KCTD9: variants seen among roughly 807,000 people sequenced by gnomAD.
KCTD9 encodes the protein BTB/POZ domain-containing protein KCTD9.
KCTD9 carries 17 observed loss-of-function variants against 53.3 expected under a neutral mutation model. The ratio of observed to expected loss-of-function variants is 0.32; its 90% CI spans 0.22 to 0.48. The LOEUF is 0.48. Among genes scored for constraint, KCTD9 ranks in the 20% least tolerant of loss-of-function variants. The probability of loss-of-function intolerance (pLI) is 0.99; values close to 1 mark genes in which losing one functional copy is unlikely to be tolerated. For missense variants in KCTD9, 179 were observed against 465.5 expected, an observed-to-expected ratio of 0.38 and a Z score of 5.66; for synonymous variants, 128 against 162.7, an observed-to-expected ratio of 0.79 and a Z score of 1.62.
At chr8:25,457,350 A>G (rs1802468434) in intron 1 of KCTD9, 2 of 985,028 alleles carry the variant, frequency 2.0e-6, no homozygotes, top group Non-Finnish European at 2.4e-6. Flanking sequence ...TAGCAACGCA[A>G]TAAATGTCTG....
intron 9 of KCTD9, 25 bp downstream of exon 9, chr8:25,435,338 T>A: frequency 6.6e-7 from 1 of 1,514,946 alleles, no homozygotes; most frequent in Non-Finnish European, 8.9e-7. Context: ...TTTAATTTTC[T>A]CTTGTAGCCT....
intron 6 of KCTD9, among the ~76,000 whole-genome samples, chr8:25,437,834 C>G (rs1478250752): frequency 1.8e-5 from 2 of 111,992 alleles, no homozygotes; most frequent in African/African-American, 7.2e-5. Flanking sequence ...GGTGACAGAG[C>G]GAGACCCTGT....
At chr8:25,457,970 G>C (rs1802499575) in intron 1 of KCTD9, among the ~76,000 whole-genome samples, 1 of 147,092 alleles carries the variant, frequency 6.8e-6, no homozygotes, top group Non-Finnish European at 1.5e-5. Flanking sequence ...GGGCCGAACC[G>C]CGCCGGCCCC....
In KCTD9 at chr8:25,428,270, CT is replaced by C. The variant is rs1020200715; in HGVS notation, c.*1586del. 3 of 152,592 alleles carry C rather than the reference CT, an allele frequency of 2.0e-5. No individual in the cohort carries two copies. Among genetic ancestry groups the C allele is most frequent in the African/African-American group, 7.2e-5 (3 of 41,430 alleles). The allele number at this position is 152,592 out of a possible 1,614,324, so 9.5% of individuals were successfully genotyped here. ...AAATAGATTATCTCTCAATACAATA[CT>C]TCTCTGTCTTGGTAAAAATAATAAA... On this transcript the variant is annotated 3_prime_UTR_variant, in exon 12 of 12. Transcript: ENST00000221200.
chr8:25,457,405 G>C, intron 1 of KCTD9: 1 of 984,136 alleles, frequency 1.0e-6, no homozygotes, highest in South Asian at 4.7e-5. Flanking sequence ...CAACTTTCAT[G>C]GGTGGGGCAA....
chr8:25,452,349 T>C (rs1404183239), intron 1 of KCTD9, among the ~76,000 whole-genome samples: 2 of 152,286 alleles, frequency 1.3e-5, no homozygotes, highest in Non-Finnish European at 2.9e-5. Context: ...GGAATATAAA[T>C]TACTGCAATG....
In KCTD9 at chr8:25,436,482, A is replaced by AC; in HGVS notation, c.502dup (p.Val168GlyfsTer11). 6.4e-7 allele frequency: 1 copy of AC among 1,559,860 alleles called. No individual in the cohort carries two copies. The highest frequency in any genetic ancestry group is 8.6e-7 in the Non-Finnish European group (1 of 1,158,924). ...ACCAAAAAATCTTGCTTCTTCTAAC[A>AC]CACCTATCAGAACAAAAATAATTCT... On this transcript the variant is annotated frameshift_variant, in exon 7 of 12. Coordinates refer to ENST00000221200, the MANE Select transcript of KCTD9 (RefSeq NM_017634.4). LOFTEE classifies it high-confidence loss of function.
rs1253994257 is a variant in KCTD9, at chr8:25,428,292, A to G, written c.*1565T>C. On this transcript the variant is annotated 3_prime_UTR_variant, in exon 12 of 12. Coordinates refer to ENST00000221200, the MANE Select transcript of KCTD9 (RefSeq NM_017634.4). ...ATACTTCTCTGTCTTGGTAAAAATA[A>G]TAAAGCAAAGAAAATAATTCATTTC... is the stretch of plus-strand genomic sequence containing the variant. 6.5e-6 allele frequency: 1 copy of G among 152,686 alleles called. No individual in the cohort carries two copies. The highest frequency in any genetic ancestry group is 1.9e-4 in the East Asian group (1 of 5,202). The allele number at this position is 152,686 out of a possible 1,614,324, so 9.5% of individuals were successfully genotyped here.
chr8:25,455,931 C>T (rs1802424032), intron 1 of KCTD9, among the ~76,000 whole-genome samples: 1 of 152,192 alleles, frequency 6.6e-6, no homozygotes, highest in Admixed American at 6.5e-5. Context: ...TTCCTGACCT[C>T]CAATAAATCG....
rs1401772786 is a variant in KCTD9, at chr8:25,428,826, TTA to T, written c.*1029_*1030del. On this transcript the variant is annotated 3_prime_UTR_variant, in exon 12 of 12. Coordinates refer to ENST00000221200, the MANE Select transcript of KCTD9 (RefSeq NM_017634.4). Reference sequence around the variant, plus strand: ...CCCCACTGTAGGGTTCTAGCTGCAATTATATTACATTGCCTTTTAGCAGGCAA... The same window carrying T: ...CCCCACTGTAGGGTTCTAGCTGCAATTATTACATTGCCTTTTAGCAGGCAA... 1 of 152,194 alleles carries T rather than the reference TTA, an allele frequency of 6.6e-6. No homozygotes were observed. The highest frequency in any genetic ancestry group is 2.4e-5 in the African/African-American group (1 of 41,458). The allele number at this position is 152,194 out of a possible 1,614,324, so 9.4% of individuals were successfully genotyped here.
rs1025955373 is a variant in KCTD9 at position 25,429,714 on chromosome 8, C to T, written c.*143G>A. On this transcript the variant is annotated 3_prime_UTR_variant, in exon 12 of 12. Transcript: ENST00000221200. ...TCAGTTTTTTCCCTTATGCACCACT[C>T]AAAACAAGCATAATCCTCTAAATGT... 21 of 633,538 alleles carry T rather than the reference C, an allele frequency of 3.3e-5. No individual in the cohort carries two copies. The highest frequency in any genetic ancestry group is 5.5e-5 in the Non-Finnish European group (19 of 346,194). 39.2% of individuals were successfully genotyped at this position (633,538 alleles called of 1,614,324 possible). A position where few individuals can be genotyped will look rare whatever the true frequency, so the allele number is the denominator to read the frequency against.
At chr8:25,434,841 G>A (rs561125776) in intron 9 of KCTD9, among the ~76,000 whole-genome samples, 17 of 152,158 alleles carry the variant, frequency 1.1e-4, no homozygotes, top group African/African-American at 3.9e-4. Flanking sequence ...AATAAACACA[G>A]ATAACTGTTA....
At chr8:25,452,035 T>C (rs566685570) in intron 1 of KCTD9, among the ~76,000 whole-genome samples, 62 of 152,328 alleles carry the variant, frequency 4.1e-4, no homozygotes, top group African/African-American at 1.4e-3. Flanking sequence ...CAAGTATTTA[T>C]TGTGCATTAT....
At chr8:25,433,467 A>C in intron 9 of KCTD9, 32 bp from the exon 10 acceptor site, 1 of 1,348,294 alleles carries the variant, frequency 7.4e-7, no homozygotes, top group Non-Finnish European at 1.0e-6. Context: ...CCTGGTTGTA[A>C]GGTTCATAAT....
intron 11 of KCTD9, among the ~76,000 whole-genome samples, chr8:25,430,835 ACACACAC>A (rs1454104880): frequency 8.4e-4 from 126 of 150,122 alleles, no homozygotes; most frequent in African/African-American, 3.0e-3. Context: ...ACACACACAC[ACACACAC>A]AATTTTTTTT....
chr8:25,436,418 C>A lies in KCTD9; in HGVS notation c.567G>T (p.Lys189Asn), dbSNP rs942711544. 1 of 1,610,506 alleles carries A rather than the reference C, an allele frequency of 6.2e-7. No individual in the cohort carries two copies. Among genetic ancestry groups the A allele is most frequent in the African/African-American group, 1.3e-5 (1 of 74,880 alleles). Reference sequence around the variant, plus strand: ...CTGGCTAATGTAAAAACAGGCTTACCTTTATTGCCACTTCTAGGTGTTCAA... The same window carrying A: ...CTGGCTAATGTAAAAACAGGCTTACATTTATTGCCACTTCTAGGTGTTCAA... ...SLIEHLEVAI[K>N]NSQPPEDHSP... The change falls in exon 7 of 12, where the codon AAG (lysine) becomes AAT (asparagine). Residue 189 changes from lysine (K) to asparagine (N), a missense_variant and splice_region_variant. Physicochemically the swap from Lys to Asn is moderately conservative, Grantham distance 94 (BLOSUM62 0). Transcript: ENST00000221200.
intron 1 of KCTD9, among the ~76,000 whole-genome samples, chr8:25,447,582 A>C (rs1003442880): frequency 1.3e-5 from 2 of 152,134 alleles, no homozygotes; most frequent in Non-Finnish European, 2.9e-5. Flanking sequence ...GGACATGGAA[A>C]AAGCTGCTCG....
chr8:25,440,100 C>T (rs1358629126), intron 4 of KCTD9, among the ~76,000 whole-genome samples: 4 of 149,802 alleles, frequency 2.7e-5, no homozygotes, highest in African/African-American at 7.4e-5. Context: ...ACTCTGTCAC[C>T]CAGGCTGGAG....
intron 4 of KCTD9, among the ~76,000 whole-genome samples, chr8:25,440,128 G>A (rs1392142820): frequency 2.0e-5 from 3 of 146,734 alleles, no homozygotes; most frequent in South Asian, 2.2e-4. Flanking sequence ...GCAGGATCTC[G>A]GCTCACTGCA....
Sources: gnomAD v4.1 joint callset for allele counts (sites outside exome capture counted in the v4.1 genomes callset) on GRCh38, gnomAD v4.1.1 for gene constraint, MANE v1.5 for transcripts, NCBI Gene and HGNC (gene_info 2026-07-23, HGNC 2026-07-21) for gene names.